CHD9: variants seen among roughly 807,000 people sequenced by gnomAD.
CHD9 encodes the protein ATP-dependent chromatin remodeler CHD9.
Under a neutral mutation model 316.1 loss-of-function variants are expected in CHD9, and 77 were observed. The observed-to-expected ratio is 0.24, with a 90% confidence interval of 0.20 to 0.29. The LOEUF (loss-of-function observed/expected upper bound fraction) is 0.29. CHD9 is among the 10% of genes least tolerant of loss of function. CHD9 has a pLI of 1.00. For synonymous variants in CHD9, 1,129 were observed against 1,158.3 expected, an observed-to-expected ratio of 0.97 and a Z score of 0.51; for missense variants, 2,763 against 3,438.1, an observed-to-expected ratio of 0.80 and a Z score of 4.91.
intron 1 of CHD9, among the ~76,000 whole-genome samples, chr16:53,111,712 T>A (rs1254467594): frequency 6.6e-6 from 1 of 152,230 alleles, no homozygotes; most frequent in African/African-American, 2.4e-5. Flanking sequence ...ATGTTCTTAT[T>A]TCTGATATTA....
intron 38 of CHD9, among the ~76,000 whole-genome samples, chr16:53,323,077 AGCCACAAATAG>A: frequency 6.6e-6 from 1 of 152,326 alleles, no homozygotes; most frequent in East Asian, 1.9e-4. Context: ...GCCCCTCAGT[AGCCACAAATAG>A]GCACATGTGG....
rs764184534 is a variant in CHD9, at chr16:53,226,421, G to T, written c.1952G>T (p.Gly651Val). The change falls in exon 5 of 39, where the codon GGG becomes GTG. Residue 651 changes from glycine to valine, a missense_variant. Gly to Val is a moderately radical substitution (Grantham distance 109). Coordinates refer to ENST00000447540, the MANE Select transcript of CHD9 (RefSeq NM_001308319.2). ...KRKKYAEDIE[G>V]KQSEEEVKGS... ...AAAAAATACGCAGAAGATATAGAAG[G>T]GAAGCAATCTGAAGAAGAGGTTAAA... The T allele has an allele frequency of 2.5e-6, 4 of 1,601,088 alleles. No homozygotes were observed. The highest frequency in any genetic ancestry group is 2.6e-6 in the Non-Finnish European group (3 of 1,175,306).
At chr16:53,286,383 T>C in intron 26 of CHD9, 40 bp downstream of exon 26, 1 of 1,039,438 alleles carries the variant, frequency 9.6e-7, no homozygotes, top group Non-Finnish European at 1.5e-6. Flanking sequence ...TATATATCTC[T>C]CTTCTATTCA....
chr16:53,104,188 TC>T (rs2037128465), intron 1 of CHD9, among the ~76,000 whole-genome samples: 1 of 152,232 alleles, frequency 6.6e-6, no homozygotes, highest in Non-Finnish European at 1.5e-5. Context: ...TTTTATTTTT[TC>T]CCCCTTGTAT....
At position 53,291,710 on chromosome 16, in the gene CHD9, A is replaced by C; in HGVS notation, c.5248-15A>C. 1 of 1,547,570 alleles carries C rather than the reference A, an allele frequency of 6.5e-7. No individual in the cohort carries two copies. The highest frequency in any genetic ancestry group is 2.4e-5 in the East Asian group (1 of 41,682). On this transcript the variant is annotated splice_polypyrimidine_tract_variant and intron_variant, in intron 27 of 38. Transcript: ENST00000447540. ...CCCAATTACCCTGTGACAAGTTTCT[A>C]TTTTCTTTTAAAAGGATGATGTTTC...
At chr16:53,263,122 T>TA in intron 20 of CHD9, 25 bp downstream of exon 20, 1 of 1,552,334 alleles carries the variant, frequency 6.4e-7, no homozygotes, top group East Asian at 2.3e-5. Flanking sequence ...CCCTCTAAAA[T>TA]AAACTTGCTT....
chr16:53,299,487 T>C (rs901705630), intron 30 of CHD9: 1 of 273,924 alleles, frequency 3.7e-6, no homozygotes, highest in Non-Finnish European at 7.1e-6. Context: ...CAGTCTGCGC[T>C]CTGCAGCAGC....
chr16:53,174,887 C>T (rs73601534), intron 2 of CHD9, among the ~76,000 whole-genome samples: 4,939 of 152,280 alleles, frequency 0.032, 100 homozygotes, highest in Middle Eastern at 0.071. Context: ...ATTTCACCTT[C>T]TTGAGTAATG....
chr16:53,274,736 C>G (rs1304751537), intron 24 of CHD9, among the ~76,000 whole-genome samples: 1 of 152,202 alleles, frequency 6.6e-6, no homozygotes, highest in East Asian at 1.9e-4. Flanking sequence ...GCTGGGATTA[C>G]AGGCATGAGC....
chr16:53,222,043 AATTT>A (rs990814411), intron 3 of CHD9, among the ~76,000 whole-genome samples: 2 of 151,892 alleles, frequency 1.3e-5, no homozygotes, highest in East Asian at 1.9e-4. Flanking sequence ...TTACCTGCTA[AATTT>A]ATTTATTTAT....
At chr16:53,072,169 C>T (rs532696422) in intron 1 of CHD9, among the ~76,000 whole-genome samples, 4 of 152,072 alleles carry the variant, frequency 2.6e-5, no homozygotes, top group Admixed American at 6.6e-5. Context: ...TATCCCCAGC[C>T]GGAAGCCCCC....
At position 53,231,420 on chromosome 16, in the gene CHD9, T is replaced by G; in HGVS notation, c.2288T>G (p.Met763Arg). The change falls in exon 9 of 39, where the codon ATG (methionine) becomes AGG (arginine). Residue 763 changes from methionine to arginine, a missense_variant and splice_region_variant. By Grantham distance (91) the Met-to-Arg change is moderately conservative. Around this residue, in one of 15 missense-constraint regions of CHD9, gnomAD observed 859 missense variants for 890.4 expected, o/e 0.96. Transcript: ENST00000447540. Reference protein sequence around the residue: ...QAQRAHFFADMEEEPFNPDYV... With the variant: ...QAQRAHFFADREEEPFNPDYV... ...AATTAAGTTACCTTTTAATTTTAGA[T>G]GGAAGAAGAACCATTTAACCCAGAC... is the stretch of plus-strand genomic sequence containing the variant. 6.4e-7 allele frequency: 1 copy of G among 1,559,946 alleles called. No individual in the cohort carries two copies. Among genetic ancestry groups the G allele is most frequent in the Non-Finnish European group, 8.8e-7 (1 of 1,140,332 alleles).
intron 11 of CHD9, among the ~76,000 whole-genome samples, chr16:53,235,511 A>G (rs1054680933): frequency 2.6e-5 from 4 of 152,146 alleles, no homozygotes; most frequent in African/African-American, 9.7e-5. Context: ...TCAGAATAGA[A>G]GAAAGTTGGT....
chr16:53,202,564 T>C (rs1302648859), intron 2 of CHD9, among the ~76,000 whole-genome samples: 3 of 152,198 alleles, frequency 2.0e-5, no homozygotes, highest in Non-Finnish European at 4.4e-5. Context: ...CCCATTTTGC[T>C]GATTACATCT....
At chr16:53,278,560 C>T (rs953123818) in intron 24 of CHD9, among the ~76,000 whole-genome samples, 5 of 152,216 alleles carry the variant, frequency 3.3e-5, no homozygotes, top group South Asian at 2.1e-4. Flanking sequence ...CACATGTAGG[C>T]GAATGAAACT....
intron 2 of CHD9, among the ~76,000 whole-genome samples, chr16:53,194,800 T>C (rs890889147): frequency 2.0e-5 from 3 of 152,172 alleles, no homozygotes; most frequent in Non-Finnish European, 2.9e-5. Flanking sequence ...TCAGGCCTCT[T>C]TCAGCATTTC....
chr16:53,064,771 C>T (rs1366672214), intron 1 of CHD9, among the ~76,000 whole-genome samples: 1 of 152,036 alleles, frequency 6.6e-6, no homozygotes, highest in Non-Finnish European at 1.5e-5. Flanking sequence ...GTCAGGAGTT[C>T]GAGACCAGCC....
intron 2 of CHD9, chr16:53,208,492 T>C: frequency 8.7e-7 from 1 of 1,150,860 alleles, no homozygotes; most frequent in Non-Finnish European, 1.1e-6. Flanking sequence ...TTTCCTCGAG[T>C]CTTGGTTATT....
intron 34 of CHD9, among the ~76,000 whole-genome samples, chr16:53,310,173 A>G (rs1297188120): frequency 1.3e-5 from 2 of 152,204 alleles, no homozygotes; most frequent in African/African-American, 4.8e-5. Context: ...TAATTTTCCA[A>G]TTAGTAGAAC....
Sources: gnomAD v4.1 joint callset for allele counts (sites outside exome capture counted in the v4.1 genomes callset) on GRCh38, gnomAD v4.1.1 for gene constraint, gnomAD v4.1.1 regional missense constraint, MANE v1.5 for transcripts, NCBI Gene and HGNC (gene_info 2026-07-23, HGNC 2026-07-21) for gene names.